The following ACCSL variants were observed in gnomAD, a reference collection of about 807,000 sequenced individuals.
The protein encoded by ACCSL is probable inactive 1-aminocyclopropane-1-carboxylate synthase-like protein 2.
Under a neutral mutation model 61.7 loss-of-function variants are expected in ACCSL, and 55 were observed. The observed-to-expected ratio is 0.89, with a 90% CI of 0.72 to 1.12. The LOEUF (loss-of-function observed/expected upper bound fraction) is 1.12, where lower values mean the gene tolerates loss of function less well. ACCSL is among the 50% of genes most tolerant of loss of function. ACCSL has a pLI of 0.00. For synonymous variants in ACCSL, 258 were observed against 264.3 expected, an observed-to-expected ratio of 0.98 and a Z score of 0.23; for missense variants, 632 against 698.0, an observed-to-expected ratio of 0.91 and a Z score of 1.07.
chr11:43,966,334 G>A, the ACCSL span, among the ~76,000 whole-genome samples: 23 of 151,594 alleles, frequency 1.5e-4, no homozygotes, highest in Admixed American at 1.5e-3. Context: ...GCTGAAATGG[G>A]AGAATCACTT....
the ACCSL span, among the ~76,000 whole-genome samples, chr11:43,962,297 G>T: frequency 6.6e-6 from 1 of 152,210 alleles, no homozygotes; most frequent in Admixed American, 6.5e-5. Flanking sequence ...TCCTGCAATA[G>T]CCAGAAAGGG....
the ACCSL span, among the ~76,000 whole-genome samples, chr11:43,938,858 A>G: frequency 6.6e-6 from 1 of 152,230 alleles, no homozygotes; most frequent in Non-Finnish European, 1.5e-5. Flanking sequence ...CATCCTAAAT[A>G]ACAGACTTAG....
At chr11:44,044,556 A>G (rs1293252189), upstream of ACCSL, among the ~76,000 whole-genome samples, 3 of 152,010 alleles carry the variant, frequency 2.0e-5, no homozygotes, top group Admixed American at 6.6e-5. Flanking sequence ...TGCAATCCCT[A>G]TCATACTTGC....
chr11:43,988,593 A>T, the ACCSL span, among the ~76,000 whole-genome samples: 4 of 151,696 alleles, frequency 2.6e-5, no homozygotes, highest in Non-Finnish European at 4.4e-5. Flanking sequence ...CAGGGCAGAG[A>T]CTTTAGCGTG....
chr11:44,009,401 A>G, the ACCSL span, among the ~76,000 whole-genome samples: 7 of 152,332 alleles, frequency 4.6e-5, no homozygotes, highest in East Asian at 1.3e-3. Flanking sequence ...AAGGATTAGC[A>G]GAGTTGGAAG....
At chr11:44,040,624 T>G in the ACCSL span, among the ~76,000 whole-genome samples, 9,082 of 152,126 alleles carry the variant, frequency 0.06, 497 homozygotes, top group African/African-American at 0.14. Flanking sequence ...TGACAGTCAA[T>G]GATGGTTTGC....
the ACCSL span, chr11:43,942,448 T>C: frequency 4.7e-6 from 1 of 213,666 alleles, no homozygotes; most frequent in Non-Finnish European, 9.8e-6. Context: ...GGGGCCTGCC[T>C]TCCGGAGCCG....
At chr11:43,986,657 G>A in the ACCSL span, among the ~76,000 whole-genome samples, 3 of 152,158 alleles carry the variant, frequency 2.0e-5, no homozygotes, top group African/African-American at 4.8e-5. Context: ...CTTATTTTCT[G>A]GGATCAGCCT....
the ACCSL span, among the ~76,000 whole-genome samples, chr11:44,033,013 C>T: frequency 1.3e-5 from 2 of 152,158 alleles, no homozygotes; most frequent in East Asian, 3.9e-4. Context: ...GTATCAGCCT[C>T]AGTCTCAGAA....
At chr11:44,013,073 C>T in the ACCSL span, among the ~76,000 whole-genome samples, 1 of 151,910 alleles carries the variant, frequency 6.6e-6, no homozygotes, top group Admixed American at 6.6e-5. Flanking sequence ...GGCAGGTGCT[C>T]AAGAAATAAT....
At chr11:43,966,921 T>C in the ACCSL span, among the ~76,000 whole-genome samples, 2 of 152,142 alleles carry the variant, frequency 1.3e-5, no homozygotes, top group East Asian at 1.9e-4. Context: ...TGTTTTGTTT[T>C]TCTTCTTTAG....
At chr11:43,978,003 CTTTTTTTTTTTT>C in the ACCSL span, among the ~76,000 whole-genome samples, 430 of 97,680 alleles carry the variant, frequency 4.4e-3, no homozygotes, top group Admixed American at 0.01. Flanking sequence ...CTAGGAAGCT[CTTTTTTTTTTTT>C]TTTTTTTTTT....
chr11:44,054,943 T>C (rs558925476), intron 8 of ACCSL, among the ~76,000 whole-genome samples: 1 of 152,306 alleles, frequency 6.6e-6, no homozygotes, highest in South Asian at 2.1e-4. Flanking sequence ...TGTTCTCATA[T>C]GTGTCTTTTG....
the ACCSL span, among the ~76,000 whole-genome samples, chr11:43,937,136 C>G: frequency 6.6e-6 from 1 of 152,120 alleles, no homozygotes; most frequent in African/African-American, 2.4e-5. Flanking sequence ...AGCCCCTTGG[C>G]TGGCCTGTCA....
the ACCSL span, among the ~76,000 whole-genome samples, chr11:44,012,978 G>A: frequency 6.6e-6 from 1 of 152,180 alleles, no homozygotes; most frequent in Admixed American, 6.5e-5. Flanking sequence ...ATAGTGCCAA[G>A]GGTGAGAAAC....
At chr11:43,969,021 C>A in the ACCSL span, among the ~76,000 whole-genome samples, 1 of 152,132 alleles carries the variant, frequency 6.6e-6, no homozygotes, top group African/African-American at 2.4e-5. Context: ...GTGTTCCATA[C>A]TTTCTTGCCA....
the ACCSL span, among the ~76,000 whole-genome samples, chr11:43,921,610 C>T: frequency 6.6e-6 from 1 of 152,186 alleles, no homozygotes; most frequent in Non-Finnish European, 1.5e-5. Context: ...ATCTTCCATT[C>T]CTTACTAATG....
In ACCSL at chr11:44,052,273, T is replaced by G. The variant is rs11037846; in HGVS notation, c.773-389T>G. Among the ~76,000 whole-genome samples, 1,224 of 152,352 alleles carry G rather than the reference T, an allele frequency of 8.0e-3. 11 individuals carry two copies. Among genetic ancestry groups the G allele is most frequent in the East Asian group, 0.033 (171 of 5,174 alleles). On this transcript the variant is annotated intron_variant, in intron 5 of 13. Coordinates refer to ENST00000378832, the MANE Select transcript of ACCSL (RefSeq NM_001031854.2). ...GGAAGAAAAGAACGTGAGATCACCA[T>G]GTCCAAATAACTGGAGCCCTCCTTG...
the ACCSL span, among the ~76,000 whole-genome samples, chr11:43,960,508 C>T: frequency 6.6e-6 from 1 of 151,950 alleles, no homozygotes; most frequent in Non-Finnish European, 1.5e-5. Context: ...CCTCAGCCTC[C>T]CGAGTAGCTG....
Sources: gnomAD v4.1 joint callset for allele counts (sites outside exome capture counted in the v4.1 genomes callset) on GRCh38, gnomAD v4.1.1 for gene constraint, MANE v1.5 for transcripts, NCBI Gene and HGNC (gene_info 2026-07-23, HGNC 2026-07-21) for gene names.